Variants in WARS2 observed in about 807,000 individuals in gnomAD.
The protein encoded by WARS2 is tryptophanyl tRNA synthetase 2, mitochondrial.
Under a neutral mutation model 36.5 loss-of-function variants are expected in WARS2, and 28 were observed. The ratio of observed to expected loss-of-function variants is 0.77; its 90% confidence interval spans 0.57 to 1.05. The LOEUF is 1.05. Among genes scored for constraint, WARS2 ranks in the 50% least tolerant of loss-of-function variants. The pLI is 0.00. For missense variants in WARS2, 435 were observed against 456.8 expected (o/e 0.95, Z 0.44); for synonymous variants, 174 against 178.4 (o/e 0.98, Z 0.20).
chr1:119,119,924 A>G (rs587773080), intron 1 of WARS2, among the ~76,000 whole-genome samples: 2 of 152,148 alleles, frequency 1.3e-5, no homozygotes, highest in Admixed American at 1.3e-4. Context: ...GTGCTAAGAG[A>G]AAAGTTCACA....
intron 1 of WARS2, among the ~76,000 whole-genome samples, chr1:119,123,475 A>C (rs962544653): frequency 1.3e-5 from 2 of 152,176 alleles, no homozygotes; most frequent in Non-Finnish European, 2.9e-5. Context: ...GCAAGTAGAG[A>C]CTATGTTAAT....
At chr1:119,082,896 A>G (rs1652313414) in intron 1 of WARS2, among the ~76,000 whole-genome samples, 1 of 152,162 alleles carries the variant, frequency 6.6e-6, no homozygotes, top group Non-Finnish European at 1.5e-5. Flanking sequence ...TGATTAAGTC[A>G]TGAGGGTTCT....
chr1:119,039,944 T>C (rs976789297), intron 4 of WARS2, among the ~76,000 whole-genome samples: 4 of 152,066 alleles, frequency 2.6e-5, no homozygotes, highest in African/African-American at 7.2e-5. Flanking sequence ...CAAATATTCA[T>C]AGACATTCTG....
intron 1 of WARS2, among the ~76,000 whole-genome samples, chr1:119,120,994 A>G (rs1655290839): frequency 6.6e-6 from 1 of 152,164 alleles, no homozygotes; most frequent in African/African-American, 2.4e-5. Flanking sequence ...TAAGACAAGG[A>G]TACCCACTTT....
Position 119,095,874 on chromosome 1 carries a change from C to T in WARS2, c.91-19267G>A, listed in dbSNP as rs139897355. On this transcript the variant is annotated intron_variant, in intron 1 of 5. Coordinates refer to ENST00000235521, the MANE Select transcript of WARS2 (RefSeq NM_015836.4). ...AAGGAAGTGTCAGTATTGGGGGACA[C>T]TGAAGAGTTTTTAGTTTCTCAAACT... Among the ~76,000 whole-genome samples, 710 of 152,320 alleles carry T rather than the reference C, an allele frequency of 4.7e-3. 3 individuals carry two copies. The highest frequency in any genetic ancestry group is 0.01 in the Admixed American group (154 of 15,300).
chr1:119,035,454 C>T (rs565252192), intron 4 of WARS2, among the ~76,000 whole-genome samples: 3 of 151,744 alleles, frequency 2.0e-5, no homozygotes, highest in South Asian at 2.1e-4. Flanking sequence ...ATGGATAACA[C>T]GTATACTAAT....
intron 1 of WARS2, among the ~76,000 whole-genome samples, chr1:119,087,143 T>C (rs1474976017): frequency 2.0e-5 from 3 of 152,200 alleles, no homozygotes; most frequent in Non-Finnish European, 2.9e-5. Flanking sequence ...ATTGCACATA[T>C]CACATTGATA....
chr1:119,101,527 G>A (rs1653861793), intron 1 of WARS2, among the ~76,000 whole-genome samples: 2 of 151,906 alleles, frequency 1.3e-5, no homozygotes, highest in Admixed American at 6.6e-5. Flanking sequence ...AAGACTATAA[G>A]CCTATTTATG....
chr1:119,090,293 T>C (rs2101402195), intron 1 of WARS2, among the ~76,000 whole-genome samples: 1 of 152,282 alleles, frequency 6.6e-6, no homozygotes, highest in Non-Finnish European at 1.5e-5. Context: ...AGCCCAAATC[T>C]AGAGTCAGAC....
intron 2 of WARS2, among the ~76,000 whole-genome samples, chr1:119,058,578 G>A (rs1158527387): frequency 1.6e-5 from 2 of 126,880 alleles, no homozygotes; most frequent in African/African-American, 3.6e-5. Flanking sequence ...TTGTTCTTGC[G>A]ATAGTTTACT....
At chr1:119,104,501 A>G (rs1198388118) in intron 1 of WARS2, among the ~76,000 whole-genome samples, 1 of 151,824 alleles carries the variant, frequency 6.6e-6, no homozygotes, top group East Asian at 1.9e-4. Flanking sequence ...CATTCAACAA[A>G]TTATTTGTTC....
Position 119,032,256 on chromosome 1 carries a change from G to A in WARS2, c.*655C>T, listed in dbSNP as rs555645437. On this transcript the variant is annotated 3_prime_UTR_variant, in exon 6 of 6. Coordinates refer to ENST00000235521, the MANE Select transcript of WARS2 (RefSeq NM_015836.4). ...ATATAATTCAGGGACTTGGGCTCTTGTACAATAAATAAATCAGGTCAAAAT... is the reference window on the plus strand; with the variant it reads ...ATATAATTCAGGGACTTGGGCTCTTATACAATAAATAAATCAGGTCAAAAT... 1 of 152,240 alleles carries A rather than the reference G, an allele frequency of 6.6e-6. No homozygotes were observed. The highest frequency in any genetic ancestry group is 6.5e-5 in the Admixed American group (1 of 15,292). The allele number at this position is 152,240 out of a possible 1,614,324, so 9.4% of individuals were successfully genotyped here. A position where few individuals can be genotyped will look rare whatever the true frequency, so the allele number is the denominator to read the frequency against.
At chr1:119,061,018 TGC>T (rs1650332801) in intron 2 of WARS2, among the ~76,000 whole-genome samples, 1 of 152,196 alleles carries the variant, frequency 6.6e-6, no homozygotes, top group Non-Finnish European at 1.5e-5. Flanking sequence ...TTTCAATTAT[TGC>T]TTACTACTGG....
At chr1:119,090,174 G>T (rs953543695) in intron 1 of WARS2, among the ~76,000 whole-genome samples, 13 of 152,150 alleles carry the variant, frequency 8.5e-5, no homozygotes, top group South Asian at 8.3e-4. Context: ...ATCACTAGGG[G>T]AAATACTAAA....
chr1:119,071,712 T>C (rs1271340648), intron 2 of WARS2, among the ~76,000 whole-genome samples: 2 of 152,098 alleles, frequency 1.3e-5, no homozygotes, highest in African/African-American at 4.8e-5. Context: ...ACAAAAAAAG[T>C]TAGACGAGAG....
intron 1 of WARS2, chr1:119,085,859 G>A (rs1412221554): frequency 6.2e-7 from 1 of 1,610,358 alleles, no homozygotes; most frequent in East Asian, 2.2e-5. Flanking sequence ...CACTGTCCTT[G>A]TACTCGGAGT....
chr1:119,091,514 T>G (rs1048464791), intron 1 of WARS2, among the ~76,000 whole-genome samples: 2 of 152,222 alleles, frequency 1.3e-5, no homozygotes, highest in East Asian at 1.9e-4. Flanking sequence ...GTTTTACCCC[T>G]TTGATTCACT....
intron 1 of WARS2, among the ~76,000 whole-genome samples, chr1:119,133,744 A>G (rs1028181612): frequency 2.0e-5 from 3 of 152,216 alleles, no homozygotes; most frequent in Non-Finnish European, 4.4e-5. Flanking sequence ...TGAATTAAAC[A>G]TTAAACTAAT....
intron 2 of WARS2, among the ~76,000 whole-genome samples, chr1:119,067,074 T>C (rs1244956080): frequency 6.6e-6 from 1 of 152,138 alleles, no homozygotes; most frequent in Non-Finnish European, 1.5e-5. Flanking sequence ...ATTTAGTTAG[T>C]TTGACTGTAT....
Sources: allele counts gnomAD v4.1 joint callset (sites outside exome capture counted in the v4.1 genomes callset), GRCh38; gene constraint gnomAD v4.1.1; transcripts MANE v1.5; gene names NCBI Gene and HGNC (gene_info 2026-07-23, HGNC 2026-07-21).